Variants in PRAMEF14 observed in about 807,000 individuals in gnomAD.
PRAMEF14 encodes PRAME family member 14.
Under a neutral mutation model 38.3 loss-of-function variants are expected in PRAMEF14, and 24 were observed. The ratio of observed to expected loss-of-function variants is 0.63; its 90% confidence interval spans 0.45 to 0.88. PRAMEF14 has a LOEUF of 0.88. Ranked by LOEUF, PRAMEF14 falls within the 40% of genes least tolerant of loss-of-function variation. PRAMEF14 has a pLI of 0.00. For synonymous variants in PRAMEF14, 194 were observed against 226.4 expected, an observed-to-expected ratio of 0.86 and a Z score of 1.29; for missense variants, 477 against 570.8, an observed-to-expected ratio of 0.84 and a Z score of 1.67.
Position 13,342,224 on chromosome 1 carries a change from A to G in PRAMEF14, c.*304T>C. On this transcript the variant is annotated 3_prime_UTR_variant, in exon 4 of 4. Transcript: ENST00000334600. ...CTGCTGTTATGTTTTTTTCCCTCAC[A>G]CTGAGCACTTCCCTGTGCTTCCTTT... 2.2e-6 allele frequency: 1 copy of G among 456,076 alleles called. No homozygotes were observed. Among genetic ancestry groups the G allele is most frequent in the Non-Finnish European group, 3.8e-6 (1 of 264,992 alleles). The allele number at this position is 456,076 out of a possible 1,614,324, so 28.3% of individuals were successfully genotyped here.
At chr1:13,346,517 A>G (rs1640406912) in intron 1 of PRAMEF14, among the ~76,000 whole-genome samples, 1 of 150,034 alleles carries the variant, frequency 6.7e-6, no homozygotes, top group African/African-American at 2.4e-5. Flanking sequence ...CAAAAACTGT[A>G]AAAGTGCTAC....
chr1:13,344,906 A>C (rs1378729172), intron 2 of PRAMEF14, 122 bp downstream of exon 2: 1 of 1,548,106 alleles, frequency 6.5e-7, no homozygotes, highest in African/African-American at 1.4e-5. Context: ...AGTCTCCCTG[A>C]TCTTCCTCGC....
chr1:13,343,699 C>T (rs1640362772), intron 3 of PRAMEF14: 2 of 1,345,146 alleles, frequency 1.5e-6, no homozygotes, highest in African/African-American at 1.5e-5. Context: ...TCATACCCTC[C>T]TCTATTATCT....
rs1553186741 is a variant in PRAMEF14, at chr1:13,342,128, C to T, written c.*400G>A. ...ACTGTAGAACTTTAGCTTCTCTTTC[C>T]GACTCTGTAGGACACGGGTCCCTGA... On this transcript the variant is annotated 3_prime_UTR_variant, in exon 4 of 4. Transcript: ENST00000334600. The T allele has an allele frequency of 8.5e-5, 19 of 223,358 alleles. No homozygotes were observed. Among genetic ancestry groups the T allele is most frequent in the East Asian group, 2.3e-4 (2 of 8,876 alleles). The allele number at this position is 223,358 out of a possible 1,614,324, so 13.8% of individuals were successfully genotyped here.
Position 13,342,255 on chromosome 1 carries a change from G to A in PRAMEF14, c.*273C>T. ...CACTTCCCTGTGCTTCCTTTAAGTTGCATGTGGCCTGGACACAGTCACTCA... is the reference window on the plus strand; with the variant it reads ...CACTTCCCTGTGCTTCCTTTAAGTTACATGTGGCCTGGACACAGTCACTCA... On this transcript the variant is annotated 3_prime_UTR_variant, in exon 4 of 4. Transcript: ENST00000334600. 1.9e-6 allele frequency: 1 copy of A among 532,848 alleles called. No individual in the cohort carries two copies. Among genetic ancestry groups the A allele is most frequent in the Non-Finnish European group, 3.2e-6 (1 of 316,582 alleles). 33.0% of individuals were successfully genotyped at this position (532,848 alleles called of 1,614,324 possible).
In PRAMEF14 at chr1:13,342,380, A is replaced by C; in HGVS notation, c.*148T>G. ...GAGCAACACAGAGAAACCCTGTCTCAAATTGTCTTTAATAAAAATTTTGGA... is the reference window on the plus strand; with the variant it reads ...GAGCAACACAGAGAAACCCTGTCTCCAATTGTCTTTAATAAAAATTTTGGA... On this transcript the variant is annotated 3_prime_UTR_variant, in exon 4 of 4. Coordinates refer to ENST00000334600, the MANE Select transcript of PRAMEF14 (RefSeq NM_001024661.2). 2.3e-6 allele frequency: 3 copies of C among 1,320,036 alleles called. No individual in the cohort carries two copies. Among genetic ancestry groups the C allele is most frequent in the Non-Finnish European group, 3.0e-6 (3 of 989,704 alleles). The allele number at this position is 1,320,036 out of a possible 1,614,324, so 81.8% of individuals were successfully genotyped here. A position where few individuals can be genotyped will look rare whatever the true frequency, so the allele number is the denominator to read the frequency against.
chr1:13,344,778 CTT>C (rs1277230141), intron 2 of PRAMEF14, among the ~76,000 whole-genome samples, 162 bp from the exon 3 acceptor site: 1 of 150,584 alleles, frequency 6.6e-6, no homozygotes, highest in East Asian at 2.1e-4. Flanking sequence ...TTGATTCTGA[CTT>C]TTGATTCCCC....
Position 13,342,606 on chromosome 1 carries a change from C to A in PRAMEF14, c.1347G>T (p.Arg449Ser), listed in dbSNP as rs1640343094. 1.2e-6 allele frequency: 2 copies of A among 1,604,706 alleles called. No homozygotes were observed. The highest frequency in any genetic ancestry group is 2.3e-4 in the Middle Eastern group (1 of 4,422). Residue 449 changes from arginine to serine, a missense_variant, in exon 4 of 4, where the codon AGG becomes AGT. Around this residue, in one of 4 missense-constraint regions of PRAMEF14, gnomAD observed 151 missense variants for 137.4 expected, o/e 1.10. Coordinates refer to ENST00000334600, the MANE Select transcript of PRAMEF14 (RefSeq NM_001024661.2). ...CTLREVRQPK[R>S]IFIGPTPCPS... ...GGCAGGGGGTGGGACCAATGAAGAT[C>A]CTCTTGGGCTGCCTGACTTCCCTCA...
intron 2 of PRAMEF14, 178 bp downstream of exon 2, chr1:13,344,850 C>T: frequency 1.2e-6 from 1 of 821,398 alleles, no homozygotes; most frequent in Non-Finnish European, 1.5e-6. Flanking sequence ...ACAGTGGACC[C>T]TGTATGGTGA....
At chr1:13,345,847 C>CA (rs1486133566) in intron 1 of PRAMEF14, among the ~76,000 whole-genome samples, 3 of 150,342 alleles carry the variant, frequency 2.0e-5, no homozygotes, top group South Asian at 2.2e-4. Flanking sequence ...CTACTAAATA[C>CA]AAAAAAATTA....
At position 13,342,603 on chromosome 1, in the gene PRAMEF14, G is replaced by C; in HGVS notation, c.1350C>G (p.Ile450Met). ...AAGGGCAGGGGGTGGGACCAATGAA[G>C]ATCCTCTTGGGCTGCCTGACTTCCC... ...TLREVRQPKR[I>M]FIGPTPCPSC... is the part of the protein sequence containing the mutation. The change falls in exon 4 of 4, where the codon ATC (isoleucine) becomes ATG (methionine). Residue 450 changes from isoleucine (I) to methionine (M), a missense_variant. By Grantham distance (10) the Ile-to-Met change is conservative (BLOSUM62 1). Around this residue, in one of 4 missense-constraint regions of PRAMEF14, gnomAD observed 151 missense variants for 137.4 expected, o/e 1.10. Transcript: ENST00000334600. The C allele has an allele frequency of 1.2e-6, 2 of 1,604,618 alleles. No homozygotes were observed. Among genetic ancestry groups the C allele is most frequent in the Non-Finnish European group, 1.7e-6 (2 of 1,177,682 alleles).
At chr1:13,345,706 T>A (rs1365302044) in intron 1 of PRAMEF14, among the ~76,000 whole-genome samples, 418 of 147,286 alleles carry the variant, frequency 2.8e-3, no homozygotes, top group South Asian at 7.1e-3. Context: ...ATTTTGAAAA[T>A]TTTCTACCAG....
Position 13,344,258 on chromosome 1 carries a change from A to G in PRAMEF14, c.646T>C (p.Ser216Pro), listed in dbSNP as rs1640371328. The change falls in exon 3 of 4, where the codon TCC becomes CCC. Residue 216 changes from serine to proline, a missense_variant. Around this residue, in one of 4 missense-constraint regions of PRAMEF14, gnomAD observed 234 missense variants for 247.4 expected, o/e 0.95. Transcript: ENST00000334600. The stretch of plus-strand genomic sequence containing the variant: ...AGCTTTCTTATCAGACGTGGCCAGG[A>G]CATGTTGCGAATTTCCAGCTGTTGA... ...SIQQLEIRNM[S>P]WPRLIRKLRC... The G allele has an allele frequency of 1.9e-6, 3 of 1,606,202 alleles. No individual in the cohort carries two copies. Among genetic ancestry groups the G allele is most frequent in the Non-Finnish European group, 2.5e-6 (3 of 1,177,022 alleles).
intron 1 of PRAMEF14, among the ~76,000 whole-genome samples, chr1:13,345,830 G>A (rs1297763451): frequency 2.0e-5 from 3 of 150,928 alleles, no homozygotes; most frequent in Non-Finnish European, 3.0e-5. Context: ...ATAATGAAAC[G>A]ATGTCTCTAC....
chr1:13,342,323 C>G lies in PRAMEF14; in HGVS notation c.*205G>C. ...CTTTAGGAAGCTGAGGCAGGAGGAT[C>G]CCATAAGCCCAGCTGAGGCAGGAGG... On this transcript the variant is annotated 3_prime_UTR_variant, in exon 4 of 4. Coordinates refer to ENST00000334600, the MANE Select transcript of PRAMEF14 (RefSeq NM_001024661.2). The G allele has an allele frequency of 1.0e-6, 1 of 975,750 alleles. No homozygotes were observed. The highest frequency in any genetic ancestry group is 1.5e-6 in the Non-Finnish European group (1 of 686,012). The allele number at this position is 975,750 out of a possible 1,614,324, so 60.4% of individuals were successfully genotyped here.
chr1:13,342,642 C>T lies in PRAMEF14; in HGVS notation c.1311G>A (p.Leu437=), dbSNP rs889708946. The change falls in exon 4 of 4, where the codon CTG becomes CTA. Residue 437 remains leucine, a synonymous_variant. Coordinates refer to ENST00000334600, the MANE Select transcript of PRAMEF14 (RefSeq NM_001024661.2). ...WEIFALLRAE[L]MCTLREVRQP... ...GCCTGACTTCCCTCAGTGTACACAT[C>T]AGCTCAGCCCGAAGTAGGGCGAAGA... 3.1e-6 allele frequency: 5 copies of T among 1,604,974 alleles called. No homozygotes were observed. The highest frequency in any genetic ancestry group is 2.5e-6 in the Non-Finnish European group (3 of 1,178,042).
At position 13,342,211 on chromosome 1, in the gene PRAMEF14, T is replaced by A. The variant is rs1323510213; in HGVS notation, c.*317A>T. The stretch of plus-strand genomic sequence containing the variant: ...CCAGCCTTGCCCCCTGCTGTTATGT[T>A]TTTTTCCCTCACACTGAGCACTTCC... On this transcript the variant is annotated 3_prime_UTR_variant, in exon 4 of 4. Transcript: ENST00000334600. 13 of 413,746 alleles carry A rather than the reference T, an allele frequency of 3.1e-5. No individual in the cohort carries two copies. Among genetic ancestry groups the A allele is most frequent in the Non-Finnish European group, 5.1e-5 (12 of 237,398 alleles). The allele number at this position is 413,746 out of a possible 1,614,324, so 25.6% of individuals were successfully genotyped here.
rs1238418175 is a variant in PRAMEF14 at position 13,345,396 on chromosome 1, T to C, written c.-25-57A>G. On this transcript the variant is annotated intron_variant, in intron 1 of 3. Coordinates refer to ENST00000334600, the MANE Select transcript of PRAMEF14 (RefSeq NM_001024661.2). The stretch of plus-strand genomic sequence containing the variant: ...TCTCATGGCAAACACAATCATCTGC[T>C]TCTACTGGTACCAGGAAGAATGTCT... 8 of 1,465,882 alleles carry C rather than the reference T, an allele frequency of 5.5e-6. No individual in the cohort carries two copies. The Admixed American group carries it at 6.5e-5, about 12-fold the overall frequency. The allele number at this position is 1,465,882 out of a possible 1,614,324, so 90.8% of individuals were successfully genotyped here. A position where few individuals can be genotyped will look rare whatever the true frequency, so the allele number is the denominator to read the frequency against.
At chr1:13,345,848 A>T (rs1264627374) in intron 1 of PRAMEF14, among the ~76,000 whole-genome samples, 428 of 147,244 alleles carry the variant, frequency 2.9e-3, no homozygotes, top group Middle Eastern at 7.0e-3. Flanking sequence ...TACTAAATAC[A>T]AAAAAATTAA....
Sources: gnomAD v4.1 joint callset for allele counts (sites outside exome capture counted in the v4.1 genomes callset) on GRCh38, gnomAD v4.1.1 for gene constraint, gnomAD v4.1.1 regional missense constraint, MANE v1.5 for transcripts, NCBI Gene and HGNC (gene_info 2026-07-23, HGNC 2026-07-21) for gene names.